CEP57L1: variants seen among roughly 807,000 people sequenced by gnomAD.
CEP57L1 encodes centrosomal protein CEP57L1.
Under a neutral mutation model 61.0 loss-of-function variants are expected in CEP57L1, and 37 were observed. The observed-to-expected ratio is 0.61, with a 90% CI of 0.47 to 0.80. The LOEUF (loss-of-function observed/expected upper bound fraction) is 0.80. CEP57L1 is among the 30% of genes least tolerant of loss of function. CEP57L1 has a pLI of 0.00. For missense variants in CEP57L1, 422 were observed against 524.7 expected, an observed-to-expected ratio of 0.80 and a Z score of 1.91; for synonymous variants, 137 against 162.3, an observed-to-expected ratio of 0.84 and a Z score of 1.19.
intron 1 of CEP57L1, among the ~76,000 whole-genome samples, chr6:109,120,143 G>T (rs1193197937): frequency 6.6e-6 from 1 of 152,062 alleles, no homozygotes; most frequent in Non-Finnish European, 1.5e-5. Flanking sequence ...ATAGATAGGA[G>T]GAACGTTTAA....
intron 3 of CEP57L1, among the ~76,000 whole-genome samples, chr6:109,147,336 C>T (rs1431485820): frequency 6.6e-6 from 1 of 151,772 alleles, no homozygotes; most frequent in Non-Finnish European, 1.5e-5. Context: ...AGTAATTAAA[C>T]AATGTAAAAC....
chr6:109,151,116 G>A (rs1441149381), intron 4 of CEP57L1, among the ~76,000 whole-genome samples: 3 of 152,210 alleles, frequency 2.0e-5, no homozygotes, highest in African/African-American at 7.2e-5. Flanking sequence ...TGGCTTATAT[G>A]TTAGGAAGAA....
chr6:109,103,428 C>T (rs1317480532), intron 1 of CEP57L1, among the ~76,000 whole-genome samples: 2 of 152,170 alleles, frequency 1.3e-5, no homozygotes, highest in Non-Finnish European at 2.9e-5. Flanking sequence ...TTAACAAGGT[C>T]GATTTGAATT....
intron 1 of CEP57L1, among the ~76,000 whole-genome samples, chr6:109,131,580 G>A (rs913558425): frequency 1.3e-5 from 2 of 151,718 alleles, no homozygotes; most frequent in African/African-American, 4.8e-5. Flanking sequence ...TCTAAAGTAT[G>A]TCTAAAGCTA....
chr6:109,157,438 A>G (rs1163986765), intron 7 of CEP57L1: 3 of 152,232 alleles, frequency 2.0e-5, no homozygotes, highest in Non-Finnish European at 4.4e-5. Context: ...TAAGTATAAA[A>G]CAGTATAATA....
At chr6:109,136,656 C>T (rs553168246) in intron 1 of CEP57L1, among the ~76,000 whole-genome samples, 4 of 151,266 alleles carry the variant, frequency 2.6e-5, no homozygotes, top group South Asian at 4.2e-4. Context: ...GGTCACACAG[C>T]GGTGCTTCAG....
chr6:109,098,570 GACTACAGGC>G (rs1781995518), intron 1 of CEP57L1, among the ~76,000 whole-genome samples: 1 of 152,054 alleles, frequency 6.6e-6, no homozygotes, highest in Non-Finnish European at 1.5e-5. Flanking sequence ...AGGTAGTTGG[GACTACAGGC>G]ACGTGCCAAC....
intron 1 of CEP57L1, among the ~76,000 whole-genome samples, chr6:109,116,546 A>G (rs1283979352): frequency 6.6e-6 from 1 of 152,210 alleles, no homozygotes; most frequent in African/African-American, 2.4e-5. Flanking sequence ...TACTTTATTT[A>G]TATAGGTACA....
chr6:109,142,774 A>G (rs931861104), intron 1 of CEP57L1, among the ~76,000 whole-genome samples: 1 of 152,196 alleles, frequency 6.6e-6, no homozygotes, highest in African/African-American at 2.4e-5. Context: ...TAAGTCTGGT[A>G]TCAGAAATAC....
In CEP57L1 at chr6:109,133,521, C is replaced by A. The variant is rs928155220; in HGVS notation, c.-3-11698C>A. 5.9e-5 allele frequency among the ~76,000 whole-genome samples: 9 copies of A among 152,202 alleles called. No homozygotes were observed. The East Asian group carries it at 1.4e-3, about 23-fold the overall frequency. ...TCCACAGACCAGGGGTTGGGGACCC[C>A]TGTGTTAAGATACCATTTTTCTGAT... On this transcript the variant is annotated intron_variant, in intron 1 of 10. Transcript: ENST00000517392.
At chr6:109,152,124 C>A (rs1772676357) in intron 4 of CEP57L1, among the ~76,000 whole-genome samples, 1 of 152,066 alleles carries the variant, frequency 6.6e-6, no homozygotes, top group South Asian at 2.1e-4. Flanking sequence ...CCACAGGTTA[C>A]CAAGACTCTG....
Position 109,155,841 on chromosome 6 carries a change from T to C in CEP57L1, c.708T>C (p.Asn236=). ...AAATTATAATGTCTTCAGTTTCAAA[T>C]CTAAAGCACTCCAAGGAAAAGAAGA... ...ISKIIMSSVS[N]LKHSKEKKKS... The change falls in exon 7 of 11, where the codon AAT becomes AAC. Residue 236 remains asparagine, a synonymous_variant. Transcript: ENST00000517392. The C allele has an allele frequency of 1.9e-6, 3 of 1,589,608 alleles. No homozygotes were observed. The highest frequency in any genetic ancestry group is 2.6e-6 in the Non-Finnish European group (3 of 1,163,112).
intron 1 of CEP57L1, among the ~76,000 whole-genome samples, chr6:109,134,867 G>T (rs1487458375): frequency 6.6e-6 from 1 of 152,108 alleles, no homozygotes. Context: ...GGATGTGAAG[G>T]ACCTCTTCAA....
At position 109,172,788 on chromosome 6, in the gene CEP57L1, CA is replaced by C. The variant is rs200525182; in HGVS notation, c.*9821del. On this transcript the variant is annotated 3_prime_UTR_variant, in exon 11 of 11. Coordinates refer to ENST00000517392, the MANE Select transcript of CEP57L1 (RefSeq NM_001271852.3). ...GTGATAAAAGGTTACGCTTAGTATA[CA>C]AAGACCTTCTTATAAGTCTAGTTAA... is the stretch of plus-strand genomic sequence containing the variant. Among the ~76,000 whole-genome samples the C allele has an allele frequency of 6.1e-3, 935 of 152,268 alleles. 13 individuals carry two copies. The highest frequency in any genetic ancestry group is 0.021 in the African/African-American group (892 of 41,556).
intron 1 of CEP57L1, among the ~76,000 whole-genome samples, chr6:109,126,891 G>A (rs1181529841): frequency 6.6e-6 from 1 of 152,164 alleles, no homozygotes; most frequent in African/African-American, 2.4e-5. Flanking sequence ...CTGTTGGCCA[G>A]GCACGGTGCC....
At chr6:109,162,662 C>A in intron 10 of CEP57L1, 87 bp from the exon 11 acceptor site, 1 of 853,274 alleles carries the variant, frequency 1.2e-6, no homozygotes. Context: ...AACTTTTTAA[C>A]GTTAAACCAT....
At chr6:109,118,877 T>C (rs1772618435) in intron 1 of CEP57L1, among the ~76,000 whole-genome samples, 1 of 152,220 alleles carries the variant, frequency 6.6e-6, no homozygotes, top group Non-Finnish European at 1.5e-5. Flanking sequence ...AAGTATTAAA[T>C]TAGGTGCTGA....
chr6:109,107,727 G>A (rs1449931474), intron 1 of CEP57L1, among the ~76,000 whole-genome samples: 3 of 151,966 alleles, frequency 2.0e-5, no homozygotes, highest in African/African-American at 7.3e-5. Flanking sequence ...GATCACTTGA[G>A]GTCAGGAGTT....
intron 10 of CEP57L1, among the ~76,000 whole-genome samples, chr6:109,162,246 T>TG (rs1276740980): frequency 6.6e-6 from 1 of 152,080 alleles, no homozygotes; most frequent in Non-Finnish European, 1.5e-5. Flanking sequence ...CATATGCACA[T>TG]GTGTGTGTAT....
Sources: gnomAD v4.1 joint callset for allele counts (sites outside exome capture counted in the v4.1 genomes callset) on GRCh38, gnomAD v4.1.1 for gene constraint, MANE v1.5 for transcripts, NCBI Gene and HGNC (gene_info 2026-07-23, HGNC 2026-07-21) for gene names.